G2E3: variants seen among roughly 807,000 people sequenced by gnomAD.
G2E3 encodes G2/M phase-specific E3 ubiquitin-protein ligase.
A neutral mutation model predicts 92.8 loss-of-function variants in G2E3; 35 were observed. That is an observed-to-expected ratio of 0.38 (90% CI 0.29 to 0.50). G2E3 has a LOEUF of 0.50. G2E3 is among the 20% of genes least tolerant of loss of function. The pLI is 0.94. For missense variants in G2E3, 554 were observed against 823.8 expected (o/e 0.67, Z 4.01); for synonymous variants, 242 against 272.4 (o/e 0.89, Z 1.10).
chr14:30,571,337 C>A (rs930525805), intron 1 of G2E3, among the ~76,000 whole-genome samples: 1 of 151,586 alleles, frequency 6.6e-6, no homozygotes, highest in Non-Finnish European at 1.5e-5. Flanking sequence ...TGTAAGCATT[C>A]TTTATGCATT....
chr14:30,608,831 C>T (rs764227915), intron 12 of G2E3, among the ~76,000 whole-genome samples: 3 of 152,174 alleles, frequency 2.0e-5, no homozygotes, highest in Non-Finnish European at 4.4e-5. Context: ...AAAGCATAGG[C>T]CTTAGCCAGG....
At position 30,592,320 on chromosome 14, in the gene G2E3, T is replaced by C; in HGVS notation, c.238-3T>C. 2 of 1,612,504 alleles carry C rather than the reference T, an allele frequency of 1.2e-6. No homozygotes were observed. The highest frequency in any genetic ancestry group is 1.7e-6 in the Non-Finnish European group (2 of 1,178,754). ...TGACCCCTATTTTCACATACTCTTC[T>C]AGAAATGCTGTGTTTGCAAGAAAAA... is the stretch of plus-strand genomic sequence containing the variant. On this transcript the variant is annotated splice_region_variant and splice_polypyrimidine_tract_variant and intron_variant, in intron 4 of 14. Coordinates refer to ENST00000206595, the MANE Select transcript of G2E3 (RefSeq NM_017769.5).
chr14:30,601,723 C>G (rs1460259731), intron 8 of G2E3, 47 bp from the exon 9 acceptor site: 1 of 1,606,886 alleles, frequency 6.2e-7, no homozygotes, highest in East Asian at 2.2e-5. Context: ...GTGGTTGAAA[C>G]TAGAATAATA....
chr14:30,566,961 C>A (rs943971797), intron 1 of G2E3, among the ~76,000 whole-genome samples: 1 of 152,228 alleles, frequency 6.6e-6, no homozygotes, highest in South Asian at 2.1e-4. Flanking sequence ...TCCTTTTTCT[C>A]TATTAGTATG....
At chr14:30,597,219 T>G (rs1357159236) in intron 6 of G2E3, among the ~76,000 whole-genome samples, 1 of 151,872 alleles carries the variant, frequency 6.6e-6, no homozygotes, top group Non-Finnish European at 1.5e-5. Flanking sequence ...TTAATTAGCT[T>G]TTTTTTTAAC....
chr14:30,608,148 A>G, intron 12 of G2E3, 79 bp downstream of exon 12: 2 of 795,142 alleles, frequency 2.5e-6, no homozygotes, highest in Non-Finnish European at 3.9e-6. Flanking sequence ...CTGCAATAAA[A>G]TAATAGTATT....
intron 1 of G2E3, among the ~76,000 whole-genome samples, chr14:30,568,406 T>G (rs1449771750): frequency 6.6e-6 from 1 of 152,142 alleles, no homozygotes; most frequent in Non-Finnish European, 1.5e-5. Flanking sequence ...TCATTTACAT[T>G]TAATTACTGT....
rs956698235 is a variant in G2E3 at position 30,606,005 on chromosome 14, A to T, written c.1318+193A>T. Among the ~76,000 whole-genome samples the T allele has an allele frequency of 3.9e-5, 6 of 152,112 alleles. No homozygotes were observed. In the East Asian group the frequency reaches 9.6e-4, roughly 24 times the overall value. ...TAAAAAGTAAATTTTGTGGTGAAAC[A>T]TTTTTTATTTAAGAATATACATTCT... is the stretch of plus-strand genomic sequence containing the variant. On this transcript the variant is annotated intron_variant, in intron 11 of 14. Transcript: ENST00000206595.
chr14:30,562,239 TAATAA>T (rs980878986), intron 1 of G2E3, among the ~76,000 whole-genome samples: 4 of 152,130 alleles, frequency 2.6e-5, no homozygotes, highest in South Asian at 2.1e-4. Context: ...TATAATAAAA[TAATAA>T]AATAAGAATA....
chr14:30,565,414 G>A (rs1304077303), intron 1 of G2E3, among the ~76,000 whole-genome samples: 1 of 151,856 alleles, frequency 6.6e-6, no homozygotes, highest in East Asian at 1.9e-4. Flanking sequence ...TTCCCATTCT[G>A]TAGATTGTCA....
intron 12 of G2E3, 43 bp downstream of exon 12, chr14:30,608,112 G>A (rs1160499898): frequency 2.2e-5 from 24 of 1,112,104 alleles, no homozygotes; most frequent in South Asian, 1.3e-4. Context: ...CTACATTCTA[G>A]GTATCTTTTA....
chr14:30,619,927 C>T lies in G2E3; in HGVS notation c.*3393C>T, dbSNP rs1882485390. The T allele has an allele frequency of 6.6e-6, 1 of 152,292 alleles. No homozygotes were observed. Among genetic ancestry groups the T allele is most frequent in the East Asian group, 1.9e-4 (1 of 5,194 alleles). The allele number at this position is 152,292 out of a possible 1,614,324, so 9.4% of individuals were successfully genotyped here. A position where few individuals can be genotyped will look rare whatever the true frequency, so the allele number is the denominator to read the frequency against. On this transcript the variant is annotated 3_prime_UTR_variant, in exon 15 of 15. Transcript: ENST00000206595. ...CTGAAAGATACAAGATTCCTTTACT[C>T]TCCACATTTGAGAGATCCTATAAGC...
At position 30,602,116 on chromosome 14, in the gene G2E3, G is replaced by A. The variant is rs1474443912; in HGVS notation, c.995G>A (p.Ser332Asn). Reference protein sequence around the residue: ...KLPRQSPGSQSKDLLRQGSKF... With the variant: ...KLPRQSPGSQNKDLLRQGSKF... ...CCCAGACAGTCACCTGGATCCCAGA[G>A]TAAAGATCTACTGAGGTATGTATTT... The change falls in exon 10 of 15, where the codon AGT becomes AAT. Residue 332 changes from serine to asparagine, a missense_variant. Ser to Asn is a conservative substitution (Grantham distance 46). Around this residue, in one of 3 missense-constraint regions of G2E3, gnomAD observed 397 missense variants for 560.3 expected, o/e 0.71. Transcript: ENST00000206595. The A allele has an allele frequency of 6.2e-7, 1 of 1,608,218 alleles. No individual in the cohort carries two copies. Among genetic ancestry groups the A allele is most frequent in the Non-Finnish European group, 8.5e-7 (1 of 1,176,762 alleles).
chr14:30,592,186 T>A, intron 4 of G2E3, 137 bp from the exon 5 acceptor site: 1 of 697,162 alleles, frequency 1.4e-6, no homozygotes, highest in East Asian at 2.9e-5. Context: ...GAAATTTATT[T>A]AATATACCCT....
At chr14:30,612,041 GA>G (rs1251555199) in intron 12 of G2E3, 165 bp from the exon 13 acceptor site, 4 of 545,704 alleles carry the variant, frequency 7.3e-6, no homozygotes, top group Non-Finnish European at 1.3e-5. Context: ...CAAATTTGTT[GA>G]ACTGGATGAT....
chr14:30,601,125 C>T (rs545647169), intron 8 of G2E3, among the ~76,000 whole-genome samples: 1 of 152,224 alleles, frequency 6.6e-6, no homozygotes, highest in African/African-American at 2.4e-5. Context: ...CTCACACACA[C>T]GGGGAGCTAA....
intron 6 of G2E3, among the ~76,000 whole-genome samples, chr14:30,595,166 T>C (rs1299965155): frequency 6.6e-6 from 1 of 152,086 alleles, no homozygotes; most frequent in East Asian, 1.9e-4. Context: ...AAGCCTGTTT[T>C]GTTGGGGAAA....
chr14:30,618,871 A>T lies in G2E3; in HGVS notation c.*2337A>T, dbSNP rs1446548316. 3.9e-5 allele frequency: 6 copies of T among 152,170 alleles called. No homozygotes were observed. The highest frequency in any genetic ancestry group is 5.9e-5 in the Non-Finnish European group (4 of 67,916). The allele number at this position is 152,170 out of a possible 1,614,324, so 9.4% of individuals were successfully genotyped here. A position where few individuals can be genotyped will look rare whatever the true frequency, so the allele number is the denominator to read the frequency against. On this transcript the variant is annotated 3_prime_UTR_variant, in exon 15 of 15. Transcript: ENST00000206595. ...GTGCATAATTCTTACATTAGATTTT[A>T]AAAAAGAATTATGCTATAAATCTTT...
At chr14:30,587,689 A>G (rs1029303401) in intron 3 of G2E3, among the ~76,000 whole-genome samples, 1 of 152,070 alleles carries the variant, frequency 6.6e-6, no homozygotes, top group African/African-American at 2.4e-5. Context: ...TCTCCTAGCT[A>G]GCGTCAGGAA....
Sources: gnomAD v4.1 joint callset for allele counts (sites outside exome capture counted in the v4.1 genomes callset) on GRCh38, gnomAD v4.1.1 for gene constraint, gnomAD v4.1.1 regional missense constraint, MANE v1.5 for transcripts, NCBI Gene and HGNC (gene_info 2026-07-23, HGNC 2026-07-21) for gene names.